The following CEP70 variants were observed in gnomAD, a reference collection of about 807,000 sequenced individuals.
The protein encoded by CEP70 is centrosomal protein of 70 kDa.
CEP70 carries 70 observed loss-of-function variants against 90.9 expected under a neutral mutation model. That is an observed-to-expected ratio of 0.77 (90% CI 0.64 to 0.94). The LOEUF is 0.94. Ranked by LOEUF, CEP70 falls within the 40% of genes least tolerant of loss-of-function variation. CEP70 has a pLI of 0.00. For missense variants in CEP70, 648 were observed against 669.0 expected (o/e 0.97, Z 0.35); for synonymous variants, 220 against 228.3 (o/e 0.96, Z 0.33).
chr3:138,494,401 T>C lies in CEP70; in HGVS notation c.*614A>G, dbSNP rs1293217564. The C allele has an allele frequency of 6.6e-6, 1 of 152,206 alleles. No homozygotes were observed. Among genetic ancestry groups the C allele is most frequent in the Non-Finnish European group, 1.5e-5 (1 of 68,038 alleles). 9.4% of individuals were successfully genotyped at this position (152,206 alleles called of 1,614,324 possible). On this transcript the variant is annotated 3_prime_UTR_variant, in exon 18 of 18. Transcript: ENST00000264982. ...ATCTCAAGTCCTTATAAAAAGTGCA[T>C]TACATCAAGATTGCAAAAGACACTT... is the stretch of plus-strand genomic sequence containing the variant.
At chr3:138,544,357 CA>C (rs59364039) in intron 6 of CEP70, among the ~76,000 whole-genome samples, 77,272 of 135,898 alleles carry the variant, frequency 0.57, 21,506 homozygotes, top group African/African-American at 0.74. Flanking sequence ...ACTCAAAAGA[CA>C]AAAAAAAAAA....
intron 8 of CEP70, chr3:138,530,888 T>C (rs949936295): frequency 1.4e-5 from 14 of 978,618 alleles, no homozygotes; most frequent in African/African-American, 3.5e-5. Context: ...GAAAGGAGAC[T>C]GAGTTTATAA....
At chr3:138,568,527 A>C (rs2040938438) in intron 6 of CEP70, among the ~76,000 whole-genome samples, 1 of 152,286 alleles carries the variant, frequency 6.6e-6, no homozygotes, top group African/African-American at 2.4e-5. Context: ...CTGCTTTTTC[A>C]CACCAATAAG....
chr3:138,564,689 A>C (rs1428029462), intron 6 of CEP70, among the ~76,000 whole-genome samples: 2 of 152,142 alleles, frequency 1.3e-5, no homozygotes, highest in Non-Finnish European at 1.5e-5. Flanking sequence ...GGATTGATCG[A>C]ACGTATCTCA....
intron 4 of CEP70, 53 bp from the exon 5 acceptor site, chr3:138,571,210 T>A (rs1296245270): frequency 1.7e-5 from 26 of 1,551,590 alleles, no homozygotes; most frequent in African/African-American, 4.2e-5. Flanking sequence ...GCAAAAAAAA[T>A]TTTTTAAGGA....
At chr3:138,530,817 A>G (rs2037745175) in intron 8 of CEP70, 1 of 985,032 alleles carries the variant, frequency 1.0e-6, no homozygotes, top group African/African-American at 1.7e-5. Flanking sequence ...TCCTATTTGT[A>G]GATCTCAAAA....
intron 7 of CEP70, among the ~76,000 whole-genome samples, chr3:138,533,823 C>T (rs1313519399): frequency 2.0e-5 from 3 of 151,724 alleles, no homozygotes; most frequent in South Asian, 2.1e-4. Flanking sequence ...GTCATGCTGT[C>T]GCCCAGGCTG....
chr3:138,530,887 C>T (rs2037750160), intron 8 of CEP70: 1 of 979,836 alleles, frequency 1.0e-6, no homozygotes, highest in South Asian at 4.7e-5. Context: ...AGAAAGGAGA[C>T]TGAGTTTATA....
Position 138,591,846 on chromosome 3 carries a change from A to G in CEP70, c.-6+8T>C, listed in dbSNP as rs1298142270. ...AACATCTGGAGTCATCCGTTACATT[A>G]GACATACCTCAGTCATAGCATATTA... On this transcript the variant is annotated splice_region_variant and intron_variant, in intron 2 of 17. Coordinates refer to ENST00000264982, the MANE Select transcript of CEP70 (RefSeq NM_024491.4). 6 of 1,531,226 alleles carry G rather than the reference A, an allele frequency of 3.9e-6. No individual in the cohort carries two copies. Among genetic ancestry groups the G allele is most frequent in the Admixed American group, 2.0e-5 (1 of 50,148 alleles). 94.9% of individuals were successfully genotyped at this position (1,531,226 alleles called of 1,614,324 possible). A position where few individuals can be genotyped will look rare whatever the true frequency, so the allele number is the denominator to read the frequency against.
chr3:138,529,410 G>C lies in CEP70; in HGVS notation c.745C>G (p.Leu249Val), dbSNP rs776799503. Residue 249 changes from leucine (L) to valine (V), a missense_variant, in exon 9 of 18, where the codon CTG (leucine) becomes GTG (valine). By Grantham distance (32) the Leu-to-Val change is conservative. Coordinates refer to ENST00000264982, the MANE Select transcript of CEP70 (RefSeq NM_024491.4). ...QSEEENDYRN[L>V]DASPTYKGLL... is the part of the protein sequence containing the mutation. ...CCTTTATAAGTTGGTGAGGCATCCA[G>C]ATTTCTGTAGTCGTTTTCTTCTTCT... The C allele has an allele frequency of 6.2e-7, 1 of 1,611,984 alleles. No homozygotes were observed. Among genetic ancestry groups the C allele is most frequent in the East Asian group, 2.2e-5 (1 of 44,806 alleles).
intron 7 of CEP70, among the ~76,000 whole-genome samples, chr3:138,534,035 C>T (rs1427382998): frequency 5.3e-5 from 8 of 152,188 alleles, no homozygotes; most frequent in Admixed American, 4.6e-4. Flanking sequence ...CCGCCCGCCT[C>T]GGCCTCCCAA....
At chr3:138,497,746 C>T (rs1243592125) in intron 17 of CEP70, 1 of 985,294 alleles carries the variant, frequency 1.0e-6, no homozygotes, top group Admixed American at 6.1e-5. Flanking sequence ...TCTCATTAGA[C>T]AATGACAGAG....
At chr3:138,505,597 A>T in intron 12 of CEP70, 132 bp from the exon 13 acceptor site, 1 of 512,634 alleles carries the variant, frequency 2.0e-6, no homozygotes, top group Non-Finnish European at 3.0e-6. Context: ...GAAAATTATC[A>T]TAAGGAATTG....
intron 2 of CEP70, among the ~76,000 whole-genome samples, chr3:138,585,769 G>A (rs1261882180): frequency 6.6e-6 from 1 of 152,152 alleles, no homozygotes; most frequent in Non-Finnish European, 1.5e-5. Flanking sequence ...TGACAAAGGT[G>A]CCAAGAACAT....
intron 6 of CEP70, among the ~76,000 whole-genome samples, chr3:138,565,469 T>C (rs1385097627): frequency 2.6e-5 from 4 of 152,152 alleles, no homozygotes; most frequent in Non-Finnish European, 5.9e-5. Flanking sequence ...CAAAACAGCA[T>C]GGTAAGGGTA....
At chr3:138,528,366 T>C (rs1207082444) in intron 10 of CEP70, among the ~76,000 whole-genome samples, 2 of 152,154 alleles carry the variant, frequency 1.3e-5, no homozygotes, top group Non-Finnish European at 2.9e-5. Flanking sequence ...TTAGCTAGTT[T>C]TGTCTTCTTC....
chr3:138,580,245 C>T (rs999375007), intron 2 of CEP70, among the ~76,000 whole-genome samples: 2 of 152,142 alleles, frequency 1.3e-5, no homozygotes, highest in Non-Finnish European at 2.9e-5. Context: ...CCTGGCCAGA[C>T]CAAGTACAGT....
intron 6 of CEP70, among the ~76,000 whole-genome samples, chr3:138,538,025 C>G (rs2038432635): frequency 6.6e-6 from 1 of 152,116 alleles, no homozygotes; most frequent in South Asian, 2.1e-4. Flanking sequence ...CCCTAATCTG[C>G]AAGGAATTGC....
chr3:138,540,136 G>A (rs1212745601), intron 6 of CEP70, among the ~76,000 whole-genome samples: 5 of 152,032 alleles, frequency 3.3e-5, no homozygotes, highest in Non-Finnish European at 5.9e-5. Flanking sequence ...TTAAGAAGTC[G>A]GCAAAGGACA....
Sources: gnomAD v4.1 joint callset for allele counts (sites outside exome capture counted in the v4.1 genomes callset) on GRCh38, gnomAD v4.1.1 for gene constraint, MANE v1.5 for transcripts, NCBI Gene and HGNC (gene_info 2026-07-23, HGNC 2026-07-21) for gene names.